The following RMC1 variants were observed in gnomAD, a reference collection of about 807,000 sequenced individuals.
RMC1 encodes regulator of MON1-CCZ1.
RMC1 carries 44 observed loss-of-function variants against 95.5 expected under a neutral mutation model. The ratio of observed to expected loss-of-function variants is 0.46; its 90% CI spans 0.36 to 0.59. The LOEUF (loss-of-function observed/expected upper bound fraction) is 0.59. Ranked by LOEUF, RMC1 falls within the 20% of genes least tolerant of loss-of-function variation. RMC1 has a pLI of 0.00. For missense variants in RMC1, 705 were observed against 819.6 expected (o/e 0.86, Z 1.71); for synonymous variants, 320 against 303.6 (o/e 1.05, Z -0.56).
At chr18:23,512,073 T>C (rs2057875105) in intron 5 of RMC1, among the ~76,000 whole-genome samples, 1 of 146,490 alleles carries the variant, frequency 6.8e-6, no homozygotes, top group Admixed American at 7.1e-5. Context: ...CAGGCTGGAG[T>C]GCAATGGTGC....
At chr18:23,530,704 A>G (rs2058468698) in intron 19 of RMC1, 92 bp downstream of exon 19, 1 of 1,230,882 alleles carries the variant, frequency 8.1e-7, no homozygotes, top group Non-Finnish European at 1.1e-6. Context: ...CTGGGTTAGC[A>G]TTTTTGTAAA....
chr18:23,513,996 TC>T (rs1400031571), intron 5 of RMC1, among the ~76,000 whole-genome samples: 1 of 152,246 alleles, frequency 6.6e-6, no homozygotes, highest in Admixed American at 6.5e-5. Context: ...GTGGATTGTG[TC>T]CTTTGATGTA....
chr18:23,503,585 C>T lies in RMC1; in HGVS notation c.-34C>T, dbSNP rs370385616. On this transcript the variant is annotated 5_prime_UTR_variant, in exon 1 of 20. Transcript: ENST00000269221. ...CATCCTGCTCCACTCTGGCGACCGC[C>T]CCCGGGGCCCCCGCCGCGGGCGCGG... The T allele has an allele frequency of 1.1e-5, 16 of 1,516,316 alleles. No homozygotes were observed. The highest frequency in any genetic ancestry group is 3.6e-5 in the South Asian group (3 of 84,360). 93.9% of individuals were successfully genotyped at this position (1,516,316 alleles called of 1,614,324 possible). A position where few individuals can be genotyped will look rare whatever the true frequency, so the allele number is the denominator to read the frequency against.
At chr18:23,528,382 A>G (rs2058371076) in intron 14 of RMC1, 1 of 154,998 alleles carries the variant, frequency 6.5e-6, no homozygotes, top group South Asian at 2.0e-4. Flanking sequence ...GGTAATAACC[A>G]TGGCTTATCG....
chr18:23,517,654 T>A (rs560135529), intron 7 of RMC1, among the ~76,000 whole-genome samples: 2 of 152,150 alleles, frequency 1.3e-5, no homozygotes, highest in Non-Finnish European at 2.9e-5. Context: ...TTTATGGTAG[T>A]TAGTATAATG....
At chr18:23,507,144 CT>C in intron 3 of RMC1, 90 bp downstream of exon 3, 2 of 842,808 alleles carry the variant, frequency 2.4e-6, no homozygotes, top group South Asian at 3.3e-5. Flanking sequence ...TTAAAGGAAA[CT>C]TTTATTATCT....
intron 2 of RMC1, chr18:23,506,416 A>ATTCC (rs1391061108): frequency 6.6e-6 from 1 of 152,072 alleles, no homozygotes; most frequent in African/African-American, 2.4e-5. Context: ...GTATTGGAAT[A>ATTCC]GAGACGGGGT....
At chr18:23,510,489 A>G (rs572013022) in intron 5 of RMC1, among the ~76,000 whole-genome samples, 6 of 152,240 alleles carry the variant, frequency 3.9e-5, no homozygotes, top group African/African-American at 1.4e-4. Flanking sequence ...CTCTATTAAA[A>G]ATACAAAAAT....
chr18:23,529,745 C>T (rs2058429840), intron 16 of RMC1, 33 bp downstream of exon 16: 3 of 1,567,514 alleles, frequency 1.9e-6, no homozygotes, highest in South Asian at 1.1e-5. Context: ...CAAGTTAAAA[C>T]AGAAGGAATT....
intron 5 of RMC1, among the ~76,000 whole-genome samples, chr18:23,513,410 C>T (rs930517890): frequency 2.0e-5 from 3 of 152,202 alleles, no homozygotes; most frequent in South Asian, 2.1e-4. Flanking sequence ...CCGCACTGAG[C>T]GTATACACCA....
In RMC1 at chr18:23,503,518, C is replaced by A; in HGVS notation, c.-101C>A. On this transcript the variant is annotated 5_prime_UTR_variant, in exon 1 of 20. Coordinates refer to ENST00000269221, the MANE Select transcript of RMC1 (RefSeq NM_013326.5). ...GGCGTCCGCGCCGGGCCCAGAGCCG[C>A]AGCCGCAGCCGCCGCTACAGTCCGG... The A allele has an allele frequency of 1.3e-6, 1 of 745,088 alleles. No homozygotes were observed. Among genetic ancestry groups the A allele is most frequent in the Non-Finnish European group, 1.9e-6 (1 of 534,952 alleles). 46.2% of individuals were successfully genotyped at this position (745,088 alleles called of 1,614,324 possible).
At chr18:23,507,761 A>G (rs779999131) in intron 3 of RMC1, among the ~76,000 whole-genome samples, 3 of 152,192 alleles carry the variant, frequency 2.0e-5, no homozygotes, top group African/African-American at 4.8e-5. Flanking sequence ...CTGTAACTGA[A>G]TATTTGTATT....
chr18:23,512,059 C>T (rs182998243), intron 5 of RMC1, among the ~76,000 whole-genome samples: 7 of 147,460 alleles, frequency 4.7e-5, no homozygotes, highest in South Asian at 2.2e-4. Flanking sequence ...CTCACTCCGT[C>T]GCCCAGGCTG....
rs772715965 is a variant in RMC1 at position 23,530,465 on chromosome 18, C to T, written c.1747C>T (p.Arg583Trp). The T allele has an allele frequency of 5.0e-6, 8 of 1,614,210 alleles. No individual in the cohort carries two copies. The highest frequency in any genetic ancestry group is 1.1e-5 in the South Asian group (1 of 91,084). The change falls in exon 19 of 20, where the codon CGG (arginine) becomes TGG (tryptophan). Residue 583 changes from arginine to tryptophan, a missense_variant. Physicochemically the swap from Arg to Trp is moderately radical, Grantham distance 101 (BLOSUM62 -3). Coordinates refer to ENST00000269221, the MANE Select transcript of RMC1 (RefSeq NM_013326.5). ...HQVLAALRFI[R>W]GIGGHDNISA... ...AGTGTTAGCTGCCTTAAGGTTTATCCGGGGCATTGGTGGCCATGACAACAT... is the reference window on the plus strand; with the variant it reads ...AGTGTTAGCTGCCTTAAGGTTTATCTGGGGCATTGGTGGCCATGACAACAT...
At chr18:23,527,668 A>T (rs75917336) in intron 13 of RMC1, 127 bp from the exon 14 acceptor site, 21 of 343,852 alleles carry the variant, frequency 6.1e-5, no homozygotes, top group Admixed American at 3.9e-4. Flanking sequence ...TTTAAAGTAG[A>T]GTGTCCTTTA....
chr18:23,506,060 G>A (rs150315156), intron 2 of RMC1: 4,415 of 151,772 alleles, frequency 0.029, 253 homozygotes, highest in East Asian at 0.29. Context: ...CCAGCTACTC[G>A]GAACGCTGAG....
chr18:23,506,318 C>T (rs2057716014), intron 2 of RMC1: 1 of 152,132 alleles, frequency 6.6e-6, no homozygotes, highest in Non-Finnish European at 1.5e-5. Context: ...TGAACATGTT[C>T]AGACCCCGAA....
chr18:23,512,210 G>A (rs2057880363), intron 5 of RMC1, among the ~76,000 whole-genome samples: 1 of 151,826 alleles, frequency 6.6e-6, no homozygotes, highest in Non-Finnish European at 1.5e-5. Flanking sequence ...TAGAAGAGGT[G>A]GGGTTTCACC....
chr18:23,527,622 A>G (rs1262461121), intron 13 of RMC1, among the ~76,000 whole-genome samples, 173 bp from the exon 14 acceptor site: 1 of 138,836 alleles, frequency 7.2e-6, no homozygotes, highest in Non-Finnish European at 1.5e-5. Context: ...AACCGTAACC[A>G]GAAAGGGGTT....
Sources: allele counts gnomAD v4.1 joint callset (sites outside exome capture counted in the v4.1 genomes callset), GRCh38; gene constraint gnomAD v4.1.1; transcripts MANE v1.5; gene names NCBI Gene and HGNC (gene_info 2026-07-23, HGNC 2026-07-21).